The following EVI5L variants were observed in gnomAD, a reference collection of about 807,000 sequenced individuals.
The protein encoded by EVI5L is ecotropic viral integration site 5 like.
A neutral mutation model predicts 106.1 loss-of-function variants in EVI5L; 30 were observed. The observed-to-expected ratio is 0.28, with a 90% CI of 0.21 to 0.38. The LOEUF (loss-of-function observed/expected upper bound fraction) is 0.38. Among genes scored for constraint, EVI5L ranks in the 10% least tolerant of loss-of-function variants. The pLI is 1.00. For synonymous variants in EVI5L, 489 were observed against 483.3 expected (o/e 1.01, Z -0.15); for missense variants, 809 against 1,098.0 (o/e 0.74, Z 3.72).
intron 10 of EVI5L, 47 bp downstream of exon 10, chr19:7,853,380 G>T: frequency 6.3e-7 from 1 of 1,578,598 alleles, no homozygotes; most frequent in East Asian, 2.3e-5. Flanking sequence ...GAGGCCTTTG[G>T]GGGCTGCCCT....
intron 1 of EVI5L, among the ~76,000 whole-genome samples, chr19:7,832,775 T>G (rs1978299136): frequency 6.6e-6 from 1 of 152,070 alleles, no homozygotes; most frequent in Non-Finnish European, 1.5e-5. Flanking sequence ...GCAGGACTTG[T>G]GGTTATACAC....
intron 6 of EVI5L, among the ~76,000 whole-genome samples, chr19:7,851,050 G>A (rs2146428118): frequency 6.6e-6 from 1 of 152,216 alleles, no homozygotes; most frequent in South Asian, 2.1e-4. Context: ...AGGGCCAGAG[G>A]CTGCCACTTG....
At chr19:7,843,429 C>CGA (rs1301431244) in intron 1 of EVI5L, among the ~76,000 whole-genome samples, 1 of 28,012 alleles carries the variant, frequency 3.6e-5, no homozygotes, top group East Asian at 8.4e-4. Context: ...ATGGGTGTGT[C>CGA]GAGAGTGTGT....
rs1458390859 is a variant in EVI5L, at chr19:7,849,068, G to A, written c.475G>A (p.Ala159Thr). Reference protein sequence around the residue: ...PCEKLIRRDIARTYPEHEFFK... With the variant: ...PCEKLIRRDITRTYPEHEFFK... ...CGAGAAGCTGATCCGCAGGGACATCGCCCGCACCTACCCGGAACATGAGTT... is the reference window on the plus strand; with the variant it reads ...CGAGAAGCTGATCCGCAGGGACATCACCCGCACCTACCCGGAACATGAGTT... Residue 159 changes from alanine (A) to threonine (T), a missense_variant, in exon 4 of 20, where the codon GCC (alanine) becomes ACC (threonine). By Grantham distance (58) the Ala-to-Thr change is moderately conservative. Around this residue, in one of 2 missense-constraint regions of EVI5L, gnomAD observed 357 missense variants for 588.1 expected, o/e 0.61. Coordinates refer to ENST00000538904, the MANE Select transcript of EVI5L (RefSeq NM_001159944.3). 3.1e-6 allele frequency: 5 copies of A among 1,612,082 alleles called. No individual in the cohort carries two copies. Among genetic ancestry groups the A allele is most frequent in the Non-Finnish European group, 3.4e-6 (4 of 1,179,338 alleles).
chr19:7,852,239 CG>C (rs1201564912), intron 8 of EVI5L, among the ~76,000 whole-genome samples: 10 of 152,244 alleles, frequency 6.6e-5, no homozygotes, highest in African/African-American at 2.4e-4. Flanking sequence ...TGCCTCCCAC[CG>C]CTACTTCTCT....
At chr19:7,847,618 C>A in intron 2 of EVI5L, 114 bp from the exon 3 acceptor site, 1 of 1,043,088 alleles carries the variant, frequency 9.6e-7, no homozygotes. Context: ...ACAAGAGGGA[C>A]CTAATCCCTG....
At chr19:7,842,596 ATG>A (rs913842093) in intron 1 of EVI5L, among the ~76,000 whole-genome samples, 84 of 147,540 alleles carry the variant, frequency 5.7e-4, no homozygotes, top group African/African-American at 2.1e-3. Context: ...GCATGTGTGA[ATG>A]TGCATGGGTG....
In EVI5L at chr19:7,856,909, A is replaced by G. The variant is rs577658860; in HGVS notation, c.1201-183A>G. The G allele has an allele frequency of 1.1e-5, 8 of 726,720 alleles. No individual in the cohort carries two copies. In the African/African-American group the frequency reaches 1.4e-4, roughly 13 times the overall value. The allele number at this position is 726,720 out of a possible 1,614,324, so 45.0% of individuals were successfully genotyped here. On this transcript the variant is annotated intron_variant, in intron 11 of 19. Coordinates refer to ENST00000538904, the MANE Select transcript of EVI5L (RefSeq NM_001159944.3). This position sits in a 1 kb window ranked among gnomAD's most constrained non-coding sequence, Gnocchi z 6.6. ...CCCTCTCCAGGACGGAGCTGGCTCT[A>G]GCTTTGGTCTTCCTCCGGGTCCTCT...
At chr19:7,847,602 A>AT in intron 2 of EVI5L, 130 bp from the exon 3 acceptor site, 1 of 928,650 alleles carries the variant, frequency 1.1e-6, no homozygotes, top group African/African-American at 1.7e-5. Context: ...GAAGAAAAAA[A>AT]AAAGAACAAG....
chr19:7,837,603 G>A (rs1978396287), intron 1 of EVI5L, among the ~76,000 whole-genome samples: 2 of 152,204 alleles, frequency 1.3e-5, no homozygotes, highest in African/African-American at 2.4e-5. Context: ...ACATTTAGTC[G>A]TCATGTCTCC....
rs1240459198 is a variant in EVI5L at position 7,850,733 on chromosome 19, G to A, written c.753+611G>A. Among the ~76,000 whole-genome samples, 1 of 152,146 alleles carries A rather than the reference G, an allele frequency of 6.6e-6. No individual in the cohort carries two copies. Among genetic ancestry groups the A allele is most frequent in the East Asian group, 1.9e-4 (1 of 5,174 alleles). ...ATCATGGACGGTGCTGTAGCCTTAG[G>A]GGGCCTGGTAGTGCCACAAGCAGGA... On this transcript the variant is annotated intron_variant, in intron 6 of 19. Coordinates refer to ENST00000538904, the MANE Select transcript of EVI5L (RefSeq NM_001159944.3). The surrounding 1 kb of genome is among the most constrained non-coding windows in gnomAD (Gnocchi z 5.4).
intron 1 of EVI5L, among the ~76,000 whole-genome samples, chr19:7,840,403 G>A (rs949457600): frequency 3.0e-4 from 46 of 152,122 alleles, no homozygotes; most frequent in African/African-American, 1.1e-3. Flanking sequence ...GCTTGAACCC[G>A]GGAGGTGGAG....
At chr19:7,849,195 C>T in intron 4 of EVI5L, 50 bp downstream of exon 4, 3 of 1,612,538 alleles carry the variant, frequency 1.9e-6, no homozygotes, top group South Asian at 1.1e-5. Context: ...AGGAGAAGTT[C>T]CCCAGTTCAC....
In EVI5L at chr19:7,848,030, C is replaced by T. The variant is rs1290266838; in HGVS notation, c.327+109C>T. On this transcript the variant is annotated intron_variant, in intron 3 of 19. Transcript: ENST00000538904. The surrounding 1 kb of genome is among the most constrained non-coding windows in gnomAD (Gnocchi z 4.8). ...CTGCGGGGCCCCAGCCTGGGCACAG[C>T]GGCAGCAGTGGAGATGTGCAGGCAC... 55 of 1,208,830 alleles carry T rather than the reference C, an allele frequency of 4.5e-5. No individual in the cohort carries two copies. The highest frequency in any genetic ancestry group is 5.3e-5 in the Non-Finnish European group (47 of 885,184). The allele number at this position is 1,208,830 out of a possible 1,614,324, so 74.9% of individuals were successfully genotyped here. A position where few individuals can be genotyped will look rare whatever the true frequency, so the allele number is the denominator to read the frequency against.
At chr19:7,853,522 C>G (rs1012284099) in intron 10 of EVI5L, 189 bp downstream of exon 10, 1 of 708,400 alleles carries the variant, frequency 1.4e-6, no homozygotes, top group South Asian at 1.9e-5. Context: ...AGCGCCTCCC[C>G]CGCCTGACGC....
intron 14 of EVI5L, among the ~76,000 whole-genome samples, chr19:7,861,472 C>G (rs1335227782): frequency 1.3e-5 from 2 of 152,238 alleles, no homozygotes; most frequent in East Asian, 3.9e-4. Flanking sequence ...GGCACTCAGC[C>G]TGTTCCCAGG....
chr19:7,843,599 G>C (rs1280554535), intron 1 of EVI5L, among the ~76,000 whole-genome samples: 2 of 144,980 alleles, frequency 1.4e-5, no homozygotes, highest in East Asian at 4.1e-4. Flanking sequence ...TGTGTGTCAA[G>C]TGTGTGTGTA....
At chr19:7,862,601 C>T (rs1979873211) in intron 17 of EVI5L, 67 bp downstream of exon 17, 1 of 1,294,940 alleles carries the variant, frequency 7.7e-7, no homozygotes. Context: ...CATGAGGCCC[C>T]GCCCCCAATC....
intron 14 of EVI5L, among the ~76,000 whole-genome samples, chr19:7,861,233 C>CT (rs1979786829): frequency 6.6e-6 from 1 of 152,214 alleles, no homozygotes; most frequent in African/African-American, 2.4e-5. Flanking sequence ...AAATGGAGGA[C>CT]TGAGAGGCCA....
Sources: allele counts gnomAD v4.1 joint callset (sites outside exome capture counted in the v4.1 genomes callset), GRCh38; gene constraint gnomAD v4.1.1; regional missense constraint gnomAD v4.1.1; non-coding constraint Gnocchi (gnomAD v3.1); transcripts MANE v1.5; gene names NCBI Gene and HGNC (gene_info 2026-07-23, HGNC 2026-07-21).